Variants in ELP3 observed in about 807,000 individuals in gnomAD.
ELP3 encodes the protein elongator complex protein 3.
A neutral mutation model predicts 74.9 loss-of-function variants in ELP3; 56 were observed. That is an observed-to-expected ratio of 0.75 (90% CI 0.60 to 0.93). The LOEUF is 0.93. Ranked by LOEUF, ELP3 falls within the 40% of genes least tolerant of loss-of-function variation. The pLI, the probability that ELP3 is intolerant of heterozygous loss-of-function variation, is 0.00. For synonymous variants in ELP3, 222 were observed against 239.8 expected, an observed-to-expected ratio of 0.93 and a Z score of 0.68; for missense variants, 573 against 686.5, an observed-to-expected ratio of 0.83 and a Z score of 1.85.
intron 10 of ELP3, among the ~76,000 whole-genome samples, chr8:28,142,477 ACT>A (rs1813282155): frequency 6.6e-6 from 1 of 152,186 alleles, no homozygotes; most frequent in Non-Finnish European, 1.5e-5. Flanking sequence ...TCGAAGTGAC[ACT>A]CTTACTTCAC....
chr8:28,096,845 A>C (rs1367364973), intron 1 of ELP3, among the ~76,000 whole-genome samples: 3 of 152,226 alleles, frequency 2.0e-5, no homozygotes, highest in African/African-American at 4.8e-5. Flanking sequence ...ACTCTAAAGT[A>C]TTATGCACAT....
intron 14 of ELP3, among the ~76,000 whole-genome samples, chr8:28,188,215 G>A (rs1815318808): frequency 6.6e-6 from 1 of 152,220 alleles, no homozygotes; most frequent in Non-Finnish European, 1.5e-5. Context: ...ATATGCAGGG[G>A]TAATGGACCT....
intron 7 of ELP3, among the ~76,000 whole-genome samples, chr8:28,115,394 T>G (rs1465212298): frequency 6.6e-6 from 1 of 152,156 alleles, no homozygotes; most frequent in Non-Finnish European, 1.5e-5. Flanking sequence ...ATTTGTGTGT[T>G]CATGCACATA....
chr8:28,143,605 C>A (rs143776582), intron 10 of ELP3, among the ~76,000 whole-genome samples: 5,086 of 152,226 alleles, frequency 0.033, 153 homozygotes, highest in Admixed American at 0.086. Context: ...TAGTACTCTG[C>A]AATTTTAATT....
At chr8:28,158,527 T>TCCCACCCC in intron 11 of ELP3, 41 bp from the exon 12 acceptor site, 2 of 1,213,186 alleles carry the variant, frequency 1.6e-6, no homozygotes, top group Non-Finnish European at 2.4e-6. Flanking sequence ...TTTGTACCCC[T>TCCCACCCC]CCCACCCCCC....
chr8:28,109,985 T>G (rs1276948416), intron 5 of ELP3, among the ~76,000 whole-genome samples: 1 of 152,252 alleles, frequency 6.6e-6, no homozygotes, highest in African/African-American at 2.4e-5. Flanking sequence ...CACTGTATGG[T>G]GGTAGCCATT....
chr8:28,181,254 T>C (rs937522249), intron 14 of ELP3, among the ~76,000 whole-genome samples: 1 of 152,216 alleles, frequency 6.6e-6, no homozygotes, highest in African/African-American at 2.4e-5. Context: ...TAAGCTTAAA[T>C]ACTCACGACT....
intron 7 of ELP3, among the ~76,000 whole-genome samples, chr8:28,126,544 C>G (rs1812584070): frequency 6.6e-6 from 1 of 152,160 alleles, no homozygotes; most frequent in South Asian, 2.1e-4. Context: ...CCTTTTGAGT[C>G]TTGGCCTTGT....
chr8:28,104,641 GT>G (rs1217909775), intron 3 of ELP3, among the ~76,000 whole-genome samples: 1 of 152,194 alleles, frequency 6.6e-6, no homozygotes, highest in East Asian at 1.9e-4. Flanking sequence ...TTCATCAGCT[GT>G]TTTCTCATCA....
upstream of ELP3, chr8:28,092,785 T>TTG: frequency 5.6e-6 from 1 of 178,496 alleles, no homozygotes; most frequent in South Asian, 9.4e-5. Flanking sequence ...CCCATTCGCG[T>TTG]TCCCACCCAC....
chr8:28,121,306 T>TTTATTA (rs888646895), intron 7 of ELP3, among the ~76,000 whole-genome samples: 1 of 147,042 alleles, frequency 6.8e-6, no homozygotes, highest in African/African-American at 2.5e-5. Flanking sequence ...ATTTTTAAAT[T>TTTATTA]TTATTATTAT....
At chr8:28,109,723 G>T (rs1035895029) in intron 5 of ELP3, among the ~76,000 whole-genome samples, 8 of 152,136 alleles carry the variant, frequency 5.3e-5, no homozygotes, top group Admixed American at 3.9e-4. Context: ...AATTTTGTGC[G>T]TGAAACAAAG....
intron 8 of ELP3, among the ~76,000 whole-genome samples, 172 bp from the exon 9 acceptor site, chr8:28,132,106 C>A (rs1322754736): frequency 1.3e-5 from 2 of 152,112 alleles, no homozygotes; most frequent in African/African-American, 4.8e-5. Context: ...AAATGACTTT[C>A]TGAGATGTCT....
At chr8:28,115,856 C>A (rs550367265) in intron 7 of ELP3, among the ~76,000 whole-genome samples, 1 of 152,128 alleles carries the variant, frequency 6.6e-6, no homozygotes, top group Non-Finnish European at 1.5e-5. Context: ...TTTCCTTGCC[C>A]TCCTTCCCTA....
chr8:28,105,617 C>T (rs980941527), intron 3 of ELP3, among the ~76,000 whole-genome samples: 5 of 152,186 alleles, frequency 3.3e-5, no homozygotes, highest in African/African-American at 1.2e-4. Flanking sequence ...GCATACATAA[C>T]ATGCACACAT....
intron 5 of ELP3, 139 bp downstream of exon 5, chr8:28,108,115 A>G (rs1041189758): frequency 2.1e-5 from 14 of 672,786 alleles, no homozygotes; most frequent in Admixed American, 2.8e-5. Flanking sequence ...TTCATTCACC[A>G]AATATTTGCC....
At chr8:28,189,604 A>G (rs776038805) in intron 14 of ELP3, 45 bp from the exon 15 acceptor site, 6 of 1,603,630 alleles carry the variant, frequency 3.7e-6, no homozygotes, top group Non-Finnish European at 5.1e-6. Context: ...ACTTTTGAGA[A>G]TTGCTAAAGT....
intron 7 of ELP3, among the ~76,000 whole-genome samples, chr8:28,123,745 A>C (rs1470754283): frequency 6.6e-6 from 1 of 152,126 alleles, no homozygotes; most frequent in Non-Finnish European, 1.5e-5. Context: ...TGAGCTTTTC[A>C]CCATTGTGAA....
chr8:28,171,564 T>G (rs1411896689), intron 14 of ELP3, among the ~76,000 whole-genome samples: 1 of 152,194 alleles, frequency 6.6e-6, no homozygotes, highest in Non-Finnish European at 1.5e-5. Context: ...TTCTGAATAT[T>G]AGACCATAAA....
Sources: allele counts gnomAD v4.1 joint callset (sites outside exome capture counted in the v4.1 genomes callset), GRCh38; gene constraint gnomAD v4.1.1; transcripts MANE v1.5; gene names NCBI Gene and HGNC (gene_info 2026-07-23, HGNC 2026-07-21).